The following AOAH variants were observed in gnomAD, a reference collection of about 807,000 sequenced individuals.
AOAH encodes acyloxyacyl hydrolase.
AOAH carries 64 observed loss-of-function variants against 92.2 expected under a neutral mutation model. That is an observed-to-expected ratio of 0.69 (90% confidence interval 0.57 to 0.86). The LOEUF is 0.86. AOAH is among the 40% of genes least tolerant of loss of function. AOAH has a pLI of 0.00. For synonymous variants in AOAH, 263 were observed against 254.5 expected (o/e 1.03, Z -0.32); for missense variants, 656 against 694.6 (o/e 0.94, Z 0.62).
intron 5 of AOAH, among the ~76,000 whole-genome samples, chr7:36,636,175 C>T (rs1266238644): frequency 6.6e-6 from 1 of 152,186 alleles, no homozygotes; most frequent in Non-Finnish European, 1.5e-5. Flanking sequence ...TTCAGACACA[C>T]TTATTTGCAT....
intron 13 of AOAH, among the ~76,000 whole-genome samples, chr7:36,553,086 A>T (rs1163595886): frequency 2.7e-5 from 4 of 150,422 alleles, no homozygotes; most frequent in Non-Finnish European, 4.4e-5. Context: ...GTTATCTAGC[A>T]TTAGGTATAT....
chr7:36,644,917 G>T (rs1160117335), intron 4 of AOAH, among the ~76,000 whole-genome samples: 2 of 150,212 alleles, frequency 1.3e-5, no homozygotes, highest in Non-Finnish European at 3.0e-5. Context: ...GAATGAGGGG[G>T]GAGGTGGGGG....
rs192752140 is a variant in AOAH at position 36,616,828 on chromosome 7, A to G, written c.752-354T>C. Among the ~76,000 whole-genome samples, 4 of 152,356 alleles carry G rather than the reference A, an allele frequency of 2.6e-5. No homozygotes were observed. In the East Asian group the frequency reaches 7.7e-4, roughly 29 times the overall value. On this transcript the variant is annotated intron_variant, in intron 10 of 20. Transcript: ENST00000617537. Reference sequence around the variant, plus strand: ...GAAATTGCTTTCTTGAAAACACACCAACGTCCATTACAATTCACTTTAAGG... The same window carrying G: ...GAAATTGCTTTCTTGAAAACACACCGACGTCCATTACAATTCACTTTAAGG...
At chr7:36,544,234 T>C (rs1367067355) in intron 15 of AOAH, among the ~76,000 whole-genome samples, 1 of 152,144 alleles carries the variant, frequency 6.6e-6, no homozygotes, top group Non-Finnish European at 1.5e-5. Context: ...CATAAGCCAC[T>C]GCGCCCGGCC....
At position 36,513,360 on chromosome 7, in the gene AOAH, C is replaced by T. The variant is rs143141552; in HGVS notation, c.1620G>A (p.Ala540=). The change falls in exon 21 of 21, where the codon GCG becomes GCA. Residue 540 remains alanine, a synonymous_variant. Coordinates refer to ENST00000617537, the MANE Select transcript of AOAH (RefSeq NM_001637.4). The stretch of plus-strand genomic sequence containing the variant: ...GCTGCACCTTTTTCCAGAAATGATC[C>T]GCCAACAACAGCAAAGCCACCTGTG... The part of the protein sequence containing the change: ...HPNEVALLLL[A]DHFWKKVQLQ... 116 of 1,613,810 alleles carry T rather than the reference C, an allele frequency of 7.2e-5. No individual in the cohort carries two copies. Among genetic ancestry groups the T allele is most frequent in the Middle Eastern group, 3.3e-4 (2 of 6,084 alleles).
At position 36,637,964 on chromosome 7, in the gene AOAH, A is replaced by T; in HGVS notation, c.391-54T>A. The stretch of plus-strand genomic sequence containing the variant: ...AACTCATGTTTTATCTTTTCTTCCT[A>T]CATCTTTTCTAAAATTAGGATATTT... On this transcript the variant is annotated intron_variant, in intron 4 of 20. Coordinates refer to ENST00000617537, the MANE Select transcript of AOAH (RefSeq NM_001637.4). 2.1e-6 allele frequency: 3 copies of T among 1,412,446 alleles called. No homozygotes were observed. The South Asian group carries it at 3.6e-5, about 17-fold the overall frequency. The allele number at this position is 1,412,446 out of a possible 1,614,324, so 87.5% of individuals were successfully genotyped here.
Position 36,534,227 on chromosome 7 carries a change from C to T in AOAH, c.1307-1883G>A, listed in dbSNP as rs887234548. Among the ~76,000 whole-genome samples, 8 of 152,316 alleles carry T rather than the reference C, an allele frequency of 5.3e-5. 1 individual carries two copies. In the East Asian group the frequency reaches 1.5e-3, roughly 29 times the overall value. ...TGCTCCACGCTGCCTGATGCCCTCT[C>T]CTGCTGTCCTTCTGCTGATGGCCAG... On this transcript the variant is annotated intron_variant, in intron 16 of 20. Coordinates refer to ENST00000617537, the MANE Select transcript of AOAH (RefSeq NM_001637.4).
intron 12 of AOAH, 147 bp downstream of exon 12, chr7:36,594,192 C>T: frequency 1.5e-6 from 1 of 666,800 alleles, no homozygotes. Context: ...TGCATTACAT[C>T]CTACTGTATG....
chr7:36,627,995 G>A (rs780797466), intron 6 of AOAH, among the ~76,000 whole-genome samples: 10 of 152,070 alleles, frequency 6.6e-5, no homozygotes, highest in Non-Finnish European at 1.2e-4. Flanking sequence ...GGTAGCTCTC[G>A]AGGGCCGGGC....
intron 13 of AOAH, among the ~76,000 whole-genome samples, chr7:36,559,395 C>A (rs1034086538): frequency 6.6e-6 from 1 of 152,204 alleles, no homozygotes; most frequent in African/African-American, 2.4e-5. Flanking sequence ...TTCTCTGCAG[C>A]CATGTCAGCA....
intron 4 of AOAH, among the ~76,000 whole-genome samples, chr7:36,640,614 G>A (rs951185796): frequency 3.9e-5 from 6 of 152,168 alleles, no homozygotes; most frequent in South Asian, 2.1e-4. Flanking sequence ...TGTCTCGGCG[G>A]CACTCACCAC....
At chr7:36,645,434 G>C (rs1189722652) in intron 4 of AOAH, among the ~76,000 whole-genome samples, 1 of 152,206 alleles carries the variant, frequency 6.6e-6, no homozygotes, top group Non-Finnish European at 1.5e-5. Flanking sequence ...TACTTTGTTA[G>C]AGCAGCCCTA....
chr7:36,621,948 A>G (rs762910644), intron 7 of AOAH, among the ~76,000 whole-genome samples, 168 bp from the exon 8 acceptor site: 1 of 152,170 alleles, frequency 6.6e-6, no homozygotes, highest in African/African-American at 2.4e-5. Context: ...ATGATAAGAC[A>G]TGCTGCGTGA....
At chr7:36,519,759 C>T (rs1281592299) in intron 20 of AOAH, among the ~76,000 whole-genome samples, 1 of 152,200 alleles carries the variant, frequency 6.6e-6, no homozygotes, top group Non-Finnish European at 1.5e-5. Flanking sequence ...CCCTCTCTCT[C>T]ATCCCACCCC....
chr7:36,553,908 G>A (rs866783606), intron 13 of AOAH, among the ~76,000 whole-genome samples: 31 of 152,176 alleles, frequency 2.0e-4, no homozygotes, highest in Middle Eastern at 6.8e-3. Context: ...AGTAGGTTGG[G>A]AAAATTTTCT....
chr7:36,552,164 C>T (rs900843442), intron 13 of AOAH, among the ~76,000 whole-genome samples: 4 of 152,178 alleles, frequency 2.6e-5, no homozygotes, highest in African/African-American at 9.7e-5. Context: ...GCCCAGCACT[C>T]CCACAACAGG....
At chr7:36,616,209 C>A (rs1791868056) in intron 11 of AOAH, among the ~76,000 whole-genome samples, 171 bp downstream of exon 11, 1 of 152,152 alleles carries the variant, frequency 6.6e-6, no homozygotes. Context: ...TAGAAGGAAC[C>A]TTTTGCCATT....
chr7:36,616,100 G>T (rs1218305221), intron 11 of AOAH, among the ~76,000 whole-genome samples: 1 of 152,174 alleles, frequency 6.6e-6, no homozygotes, highest in Non-Finnish European at 1.5e-5. Flanking sequence ...AAGCCGGCCC[G>T]GTGGGCTTTG....
intron 6 of AOAH, among the ~76,000 whole-genome samples, chr7:36,630,941 A>G (rs1793030687): frequency 6.6e-6 from 1 of 152,194 alleles, no homozygotes; most frequent in Non-Finnish European, 1.5e-5. Context: ...CCCTTACCTC[A>G]TTTTATTGTT....
Sources: allele counts gnomAD v4.1 joint callset (sites outside exome capture counted in the v4.1 genomes callset), GRCh38; gene constraint gnomAD v4.1.1; transcripts MANE v1.5; gene names NCBI Gene and HGNC (gene_info 2026-07-23, HGNC 2026-07-21).